Variants in FATE1 observed in about 807,000 individuals in gnomAD.
FATE1 encodes the protein fetal and adult testis-expressed transcript protein.
FATE1 carries 18 observed loss-of-function variants against 16.0 expected under a neutral mutation model. The observed-to-expected ratio is 1.12, with a 90% CI of 0.78 to 1.66. The LOEUF (loss-of-function observed/expected upper bound fraction) is 1.66, where lower values mean the gene tolerates loss of function less well. Ranked by LOEUF, FATE1 falls within the 40% of genes most tolerant of loss-of-function variation. FATE1 has a pLI of 0.00. For missense variants in FATE1, 169 were observed against 152.7 expected, an observed-to-expected ratio of 1.11 and a Z score of -0.56; for synonymous variants, 76 against 56.9, an observed-to-expected ratio of 1.34 and a Z score of -1.51.
At chrX:151,718,677 G>T (rs2015087991) in intron 2 of FATE1, among the ~76,000 whole-genome samples, 1 of 112,075 alleles carries the variant, frequency 8.9e-6, no homozygotes, top group Non-Finnish European at 1.9e-5. Flanking sequence ...TGGCCACATT[G>T]TTGCAAAGGA....
Position 151,722,883 on chromosome X carries a change from AT to A in FATE1, c.*128del. On this transcript the variant is annotated 3_prime_UTR_variant, in exon 5 of 5. Coordinates refer to ENST00000370350, the MANE Select transcript of FATE1 (RefSeq NM_033085.3). ...AGCAGCCCTCAGGAGCGTCAGGATC[AT>A]TTTCAACTCTGGTTAGGCCTCCTAC... 1.1e-6 allele frequency: 1 copy of A among 934,025 alleles called. No homozygotes were observed. The highest frequency in any genetic ancestry group is 2.0e-5 in the African/African-American group (1 of 50,741). The allele number at this position is 934,025 out of a possible 1,213,427, so 77.0% of individuals were successfully genotyped here.
At chrX:151,718,258 A>G (rs1451082271) in intron 2 of FATE1, among the ~76,000 whole-genome samples, 1 of 111,958 alleles carries the variant, frequency 8.9e-6, no homozygotes, top group Non-Finnish European at 1.9e-5. Flanking sequence ...AAAGAAAGAA[A>G]GAGAAAGAAG....
At chrX:151,722,313 C>T in intron 4 of FATE1, among the ~76,000 whole-genome samples, 1 of 112,260 alleles carries the variant, frequency 8.9e-6, no homozygotes, top group Middle Eastern at 4.7e-3. Flanking sequence ...TTGTTCAAAC[C>T]AAACCCAGAC....
intron 3 of FATE1, 78 bp downstream of exon 3, chrX:151,721,579 GC>G: frequency 2.2e-6 from 2 of 907,060 alleles, no homozygotes; most frequent in Non-Finnish European, 1.6e-6. Context: ...GAGCAGCCTG[GC>G]CAGGATGGAG....
chrX:151,717,645 C>T (rs1172308081), intron 2 of FATE1, among the ~76,000 whole-genome samples: 2 of 112,377 alleles, frequency 1.8e-5, no homozygotes, highest in East Asian at 2.8e-4. Flanking sequence ...ATGGGGAGTA[C>T]ATAAATACTT....
intron 1 of FATE1, 93 bp from the exon 2 acceptor site, chrX:151,717,179 G>A (rs2015068551): frequency 9.5e-7 from 1 of 1,048,016 alleles, no homozygotes; most frequent in African/African-American, 1.9e-5. Flanking sequence ...CAAGAAAGCT[G>A]GAGACTCTGT....
intron 2 of FATE1, 95 bp downstream of exon 2, chrX:151,717,494 C>A: frequency 1.0e-6 from 1 of 984,100 alleles, no homozygotes; most frequent in Non-Finnish European, 1.4e-6. Flanking sequence ...CAGGGCTAGA[C>A]GTTGACTTGT....
intron 2 of FATE1, among the ~76,000 whole-genome samples, chrX:151,719,458 G>C (rs2015096086): frequency 8.9e-6 from 1 of 112,063 alleles, no homozygotes; most frequent in Admixed American, 9.4e-5. Context: ...CCAGCCATCA[G>C]CCATTCATCC....
chrX:151,719,171 T>C (rs2015092705), intron 2 of FATE1, among the ~76,000 whole-genome samples: 1 of 112,001 alleles, frequency 8.9e-6, no homozygotes. Flanking sequence ...TTTAGAAATT[T>C]AGAATTAGGA....
At chrX:151,717,439 G>T in intron 2 of FATE1, 40 bp downstream of exon 2, 1 of 1,176,387 alleles carries the variant, frequency 8.5e-7, no homozygotes, top group Non-Finnish European at 1.1e-6. Flanking sequence ...GCCAGGTTGG[G>T]GTTGGGAGTA....
At position 151,722,000 on chromosome X, in the gene FATE1, G is replaced by A. The variant is rs1041962917; in HGVS notation, c.420+19G>A. On this transcript the variant is annotated intron_variant, in intron 4 of 4. Coordinates refer to ENST00000370350, the MANE Select transcript of FATE1 (RefSeq NM_033085.3). The stretch of plus-strand genomic sequence containing the variant: ...AAGACAGGTGAGGAGGGACCCAATC[G>A]GTGGGTGCAAGCAGAATCACAGTGC... The A allele has an allele frequency of 1.1e-5, 13 of 1,193,971 alleles. No individual in the cohort carries two copies. The highest frequency in any genetic ancestry group is 1.8e-5 in the South Asian group (1 of 56,376).
chrX:151,722,611 C>G lies in FATE1; in HGVS notation c.421-17C>G. 8.2e-7 allele frequency: 1 copy of G among 1,212,151 alleles called. No homozygotes were observed. Among genetic ancestry groups the G allele is most frequent in the Admixed American group, 2.2e-5 (1 of 46,168 alleles). On this transcript the variant is annotated splice_polypyrimidine_tract_variant and intron_variant, in intron 4 of 4. Transcript: ENST00000370350. Reference sequence around the variant, plus strand: ...GAAGAGCCTCGCTCAGCAGCCCTGCCTTTGACTCCTCTGCAGCTGTATGCA... The same window carrying G: ...GAAGAGCCTCGCTCAGCAGCCCTGCGTTTGACTCCTCTGCAGCTGTATGCA...
In FATE1 at chrX:151,722,976, G is replaced by C; in HGVS notation, c.*217G>C. The C allele has an allele frequency of 2.4e-6, 1 of 412,628 alleles. No individual in the cohort carries two copies. The highest frequency in any genetic ancestry group is 4.4e-5 in the East Asian group (1 of 22,901). 34.0% of individuals were successfully genotyped at this position (412,628 alleles called of 1,213,427 possible). On this transcript the variant is annotated 3_prime_UTR_variant, in exon 5 of 5. Transcript: ENST00000370350. ...GCGAAGCTGGAGGAGGACTGCGTGG[G>C]CTGAGATGCCACCCTTTGAAGGGTG...
chrX:151,718,160 GGAAGGAAGGA>G (rs1368946625), intron 2 of FATE1, among the ~76,000 whole-genome samples: 1,507 of 90,496 alleles, frequency 0.017, 38 homozygotes, highest in African/African-American at 0.055. Context: ...AAGGAAGGAA[GGAAGGAAGGA>G]AGGGGAAAAG....
At chrX:151,720,039 T>C (rs765826099) in intron 2 of FATE1, among the ~76,000 whole-genome samples, 3 of 111,990 alleles carry the variant, frequency 2.7e-5, no homozygotes, top group African/African-American at 9.7e-5. Flanking sequence ...CGGTTTTATT[T>C]TGTGTCACTT....
chrX:151,718,241 G>GAAAGAAAGAAAGAA (rs1569424995), intron 2 of FATE1, among the ~76,000 whole-genome samples: 3 of 98,759 alleles, frequency 3.0e-5, no homozygotes, highest in African/African-American at 1.1e-4. Context: ...GAAAGAAAGA[G>GAAAGAAAGAAAGAA]AGAAAGAAAG....
chrX:151,721,996 A>G lies in FATE1; in HGVS notation c.420+15A>G. The G allele has an allele frequency of 8.3e-7, 1 of 1,198,127 alleles. No individual in the cohort carries two copies. Among genetic ancestry groups the G allele is most frequent in the South Asian group, 1.8e-5 (1 of 56,470 alleles). ...TGAGAAGACAGGTGAGGAGGGACCCAATCGGTGGGTGCAAGCAGAATCACA... is the reference window on the plus strand; with the variant it reads ...TGAGAAGACAGGTGAGGAGGGACCCGATCGGTGGGTGCAAGCAGAATCACA... On this transcript the variant is annotated intron_variant, in intron 4 of 4. Coordinates refer to ENST00000370350, the MANE Select transcript of FATE1 (RefSeq NM_033085.3).
intron 2 of FATE1, among the ~76,000 whole-genome samples, chrX:151,718,112 GGAAGGAAGGAAGGAAGGAAGGA>G (rs1283811542): frequency 1.5e-4 from 2 of 13,655 alleles, no homozygotes; most frequent in Admixed American, 8.0e-4. Flanking sequence ...GAGAGAGAGA[GGAAGGAAGGAAGGAAGGAAGGA>G]AGGAAGGAAG....
At chrX:151,719,266 A>G (rs1449545096) in intron 2 of FATE1, among the ~76,000 whole-genome samples, 1 of 112,299 alleles carries the variant, frequency 8.9e-6, no homozygotes. Flanking sequence ...TGCCTCTAGG[A>G]GAACCATAAT....
Sources: gnomAD v4.1 joint callset for allele counts (sites outside exome capture counted in the v4.1 genomes callset) on GRCh38, gnomAD v4.1.1 for gene constraint, MANE v1.5 for transcripts, NCBI Gene and HGNC (gene_info 2026-07-23, HGNC 2026-07-21) for gene names.